NAA60: variants seen among roughly 807,000 people sequenced by gnomAD.
NAA60 encodes the protein N-alpha-acetyltransferase 60.
In NAA60, 8 loss-of-function variants were observed where a neutral mutation model predicts 26.1. The ratio of observed to expected loss-of-function variants is 0.31; its 90% CI spans 0.18 to 0.55. The LOEUF is 0.55. Among genes scored for constraint, NAA60 ranks in the 20% least tolerant of loss-of-function variants. NAA60 has a pLI of 0.93. For missense variants in NAA60, 290 were observed against 311.3 expected, an observed-to-expected ratio of 0.93 and a Z score of 0.51; for synonymous variants, 131 against 122.5, an observed-to-expected ratio of 1.07 and a Z score of -0.46.
At chr16:3,471,804 G>A (rs890624022) in intron 2 of NAA60, among the ~76,000 whole-genome samples, 5 of 152,170 alleles carry the variant, frequency 3.3e-5, no homozygotes, top group African/African-American at 9.7e-5. Flanking sequence ...TCTGCCCAGG[G>A]TGGCCAGGTG....
intron 2 of NAA60, chr16:3,458,179 G>A: frequency 1.0e-6 from 1 of 984,852 alleles, no homozygotes; most frequent in East Asian, 1.1e-4. Flanking sequence ...GCTCCCCCAC[G>A]AGGTGAGGTG....
intron 2 of NAA60, chr16:3,448,988 C>T (rs2034663659): frequency 6.4e-6 from 1 of 157,148 alleles, no homozygotes; most frequent in Non-Finnish European, 1.4e-5. Flanking sequence ...GCAGTATCAT[C>T]TGTGGTGATC....
chr16:3,451,656 A>G (rs37835), intron 2 of NAA60, among the ~76,000 whole-genome samples: 64,021 of 152,036 alleles, frequency 0.42, 14,411 homozygotes, highest in African/African-American at 0.58. Flanking sequence ...GGTGGCTCAC[A>G]CCTGTAATCC....
intron 2 of NAA60, among the ~76,000 whole-genome samples, chr16:3,465,172 C>T (rs1414468538): frequency 6.6e-6 from 1 of 150,440 alleles, no homozygotes; most frequent in Non-Finnish European, 1.5e-5. Context: ...GAGGCTGAGA[C>T]AGGAGAATGG....
At chr16:3,481,743 C>T (rs1429482785) in intron 4 of NAA60, among the ~76,000 whole-genome samples, 10 of 152,154 alleles carry the variant, frequency 6.6e-5, no homozygotes, top group Admixed American at 3.9e-4. Context: ...CCTGGAGTAA[C>T]AAGAGTGATA....
intron 3 of NAA60, among the ~76,000 whole-genome samples, chr16:3,477,405 A>C (rs1027285306): frequency 6.6e-6 from 1 of 152,232 alleles, no homozygotes; most frequent in South Asian, 2.1e-4. Flanking sequence ...ACTGAACCTC[A>C]TGCTCTTGGC....
intron 1 of NAA60, among the ~76,000 whole-genome samples, chr16:3,445,276 C>CTTT (rs960897042): frequency 1.7e-5 from 2 of 118,468 alleles, no homozygotes; most frequent in African/African-American, 4.4e-5. Flanking sequence ...GTGCTTATCT[C>CTTT]TTTTTTTTTT....
rs575888675 is a variant in NAA60, at chr16:3,450,649, G to A, written c.-7+2109G>A. Among the ~76,000 whole-genome samples, 184 of 141,146 alleles carry A rather than the reference G, an allele frequency of 1.3e-3. No individual in the cohort carries two copies. The Middle Eastern group carries it at 0.017, about 13-fold the overall frequency. 92.6% of individuals were successfully genotyped at this position (141,146 alleles called of 152,430 possible). On this transcript the variant is annotated intron_variant, in intron 2 of 7. Transcript: ENST00000407558. ...CGGGAGGCGGAGTTTGCAGTGAGCC[G>A]AGATCGTGCCACTGCACTCCAGCCT... is the stretch of plus-strand genomic sequence containing the variant.
chr16:3,484,932 T>A lies in NAA60; in HGVS notation c.*77T>A, dbSNP rs1410013437. The A allele has an allele frequency of 1.3e-6, 2 of 1,541,314 alleles. No homozygotes were observed. The highest frequency in any genetic ancestry group is 2.4e-5 in the South Asian group (2 of 84,030). On this transcript the variant is annotated 3_prime_UTR_variant, in exon 7 of 8. Transcript: ENST00000407558. Reference sequence around the variant, plus strand: ...CCGCCTTCCTGTCCATCTGACCCCTTCTGTTTTCTGCAAGGAGCTGCCAGC... The same window carrying A: ...CCGCCTTCCTGTCCATCTGACCCCTACTGTTTTCTGCAAGGAGCTGCCAGC...
chr16:3,468,671 A>T (rs368695709), intron 2 of NAA60, among the ~76,000 whole-genome samples: 2 of 152,234 alleles, frequency 1.3e-5, no homozygotes, highest in African/African-American at 4.8e-5. Flanking sequence ...CCCTCCTTGC[A>T]TCGCTCCACC....
chr16:3,463,281 C>T (rs188782911), intron 2 of NAA60, among the ~76,000 whole-genome samples: 1 of 151,988 alleles, frequency 6.6e-6, no homozygotes, highest in East Asian at 1.9e-4. Context: ...GGCCCGGTGG[C>T]TCATGCCTAT....
intron 2 of NAA60, chr16:3,448,752 C>T (rs2034653866): frequency 4.0e-6 from 2 of 497,570 alleles, no homozygotes; most frequent in South Asian, 4.9e-5. Flanking sequence ...CACAGGGATA[C>T]AGTACAAGTA....
intron 3 of NAA60, among the ~76,000 whole-genome samples, chr16:3,476,946 C>G (rs1038437381): frequency 3.9e-5 from 6 of 151,964 alleles, no homozygotes; most frequent in Non-Finnish European, 8.8e-5. Flanking sequence ...GAGACTGAGG[C>G]AGGAGAATCA....
intron 3 of NAA60, among the ~76,000 whole-genome samples, chr16:3,478,657 C>A (rs79356279): frequency 0.022 from 3,288 of 152,262 alleles, 103 homozygotes; most frequent in African/African-American, 0.071. Context: ...GATGAGCAGC[C>A]GTTAGCAGCC....
At chr16:3,450,610 G>A (rs954455558) in intron 2 of NAA60, among the ~76,000 whole-genome samples, 1 of 149,024 alleles carries the variant, frequency 6.7e-6, no homozygotes, top group African/African-American at 2.5e-5. Flanking sequence ...TGAGGCAGGA[G>A]AATGGTGTGA....
chr16:3,485,607 C>T lies in NAA60; in HGVS notation c.*347C>T, dbSNP rs771229523. The T allele has an allele frequency of 7.5e-5, 34 of 456,264 alleles. No individual in the cohort carries two copies. The highest frequency in any genetic ancestry group is 2.4e-4 in the African/African-American group (12 of 50,086). 28.3% of individuals were successfully genotyped at this position (456,264 alleles called of 1,614,324 possible). A position where few individuals can be genotyped will look rare whatever the true frequency, so the allele number is the denominator to read the frequency against. Reference sequence around the variant, plus strand: ...GCCTGCCCTCACTGGGCCTCTCCCACTCCGCTGCCTGTTCTTGCAGCTCCT... The same window carrying T: ...GCCTGCCCTCACTGGGCCTCTCCCATTCCGCTGCCTGTTCTTGCAGCTCCT... On this transcript the variant is annotated 3_prime_UTR_variant, in exon 8 of 8. Transcript: ENST00000407558.
At chr16:3,473,487 G>C (rs928455371) in intron 2 of NAA60, among the ~76,000 whole-genome samples, 1 of 152,180 alleles carries the variant, frequency 6.6e-6, no homozygotes, top group African/African-American at 2.4e-5. Flanking sequence ...CTGCTCCCAT[G>C]ACTCAGTTAT....
rs541108330 is a variant in NAA60 at position 3,458,379 on chromosome 16, G to T, written c.-7+9839G>T. Among the ~76,000 whole-genome samples, 431 of 152,134 alleles carry T rather than the reference G, an allele frequency of 2.8e-3. 4 individuals are homozygous for T. The highest frequency in any genetic ancestry group is 9.8e-3 in the African/African-American group (409 of 41,558). On this transcript the variant is annotated intron_variant, in intron 2 of 7. Coordinates refer to ENST00000407558, the MANE Select transcript of NAA60 (RefSeq NM_001083601.3). ...AGCCGGTTTCGGGGACGGCGGCGGG[G>T]AGTGGGCGCTGGCCAGGGACGAGGG...
chr16:3,445,933 C>G (rs1361419283), intron 1 of NAA60, among the ~76,000 whole-genome samples: 1 of 152,096 alleles, frequency 6.6e-6, no homozygotes, highest in Non-Finnish European at 1.5e-5. Flanking sequence ...CCAAGATAGA[C>G]CAAGATTGAA....
Sources: gnomAD v4.1 joint callset for allele counts (sites outside exome capture counted in the v4.1 genomes callset) on GRCh38, gnomAD v4.1.1 for gene constraint, MANE v1.5 for transcripts, NCBI Gene and HGNC (gene_info 2026-07-23, HGNC 2026-07-21) for gene names.